Variants in C12orf42 observed in about 807,000 individuals in gnomAD.
The protein encoded by C12orf42 is uncharacterized protein C12orf42.
A neutral mutation model predicts 21.6 loss-of-function variants in C12orf42; 25 were observed. That is an observed-to-expected ratio of 1.16 (90% CI 0.84 to 1.62). C12orf42 has a LOEUF of 1.62. Ranked by LOEUF, C12orf42 falls within the 40% of genes most tolerant of loss-of-function variation. The probability of loss-of-function intolerance (pLI) is 0.00; values close to 1 mark genes in which losing one functional copy is unlikely to be tolerated. For missense variants in C12orf42, 483 were observed against 459.3 expected (o/e 1.05, Z -0.47); for synonymous variants, 174 against 175.0 (o/e 0.99, Z 0.05).
At chr12:103,271,132 C>A (rs1474420775) in intron 5 of C12orf42, among the ~76,000 whole-genome samples, 1 of 152,136 alleles carries the variant, frequency 6.6e-6, no homozygotes, top group East Asian at 1.9e-4. Context: ...TTGCAAGCCA[C>A]AGTGACCCCT....
chr12:103,065,963 A>G, the C12orf42 span, among the ~76,000 whole-genome samples: 2 of 152,154 alleles, frequency 1.3e-5, no homozygotes, highest in South Asian at 2.1e-4. Context: ...CTGCTCTGCC[A>G]CTTGGGACAT....
At chr12:103,056,311 T>A in the C12orf42 span, among the ~76,000 whole-genome samples, 19 of 152,316 alleles carry the variant, frequency 1.2e-4, no homozygotes, top group East Asian at 3.5e-3. Flanking sequence ...GGGTTTCTGA[T>A]GAGAAATGTG....
rs142598287 is a variant in C12orf42, at chr12:103,374,929, C to A, written c.148-5931G>T. Among the ~76,000 whole-genome samples the A allele has an allele frequency of 3.0e-3, 457 of 152,306 alleles. 3 individuals carry two copies. The highest frequency in any genetic ancestry group is 0.01 in the African/African-American group (418 of 41,570). ...GTCTTAGTTGGCATCAATCTCCAAA[C>A]AAACAGTTAAGCCAAAATATTCTAG... On this transcript the variant is annotated intron_variant, in intron 3 of 5. Coordinates refer to ENST00000548883, the MANE Select transcript of C12orf42 (RefSeq NM_198521.5).
chr12:103,421,921 A>G (rs2139137792), intron 2 of C12orf42, among the ~76,000 whole-genome samples: 2 of 152,206 alleles, frequency 1.3e-5, no homozygotes, highest in South Asian at 4.1e-4. Flanking sequence ...TCATGCTCCA[A>G]ATAATAATAA....
chr12:103,307,649 T>A (rs975967718), intron 4 of C12orf42, among the ~76,000 whole-genome samples: 5 of 152,260 alleles, frequency 3.3e-5, no homozygotes, highest in East Asian at 1.9e-4. Flanking sequence ...TCTGGCTTCT[T>A]AGCCAATTTG....
At chr12:103,186,594 A>T in the C12orf42 span, among the ~76,000 whole-genome samples, 1 of 152,126 alleles carries the variant, frequency 6.6e-6, no homozygotes, top group African/African-American at 2.4e-5. Context: ...ACTCTTGTTG[A>T]TTGTTTTTTT....
chr12:103,536,672 T>C, the C12orf42 span, among the ~76,000 whole-genome samples: 2 of 152,154 alleles, frequency 1.3e-5, no homozygotes, highest in African/African-American at 4.8e-5. Flanking sequence ...ATCCATAGCC[T>C]GATGACCACC....
chr12:103,456,811 C>T (rs1240129768), intron 2 of C12orf42, among the ~76,000 whole-genome samples: 1 of 152,106 alleles, frequency 6.6e-6, no homozygotes, highest in Admixed American at 6.6e-5. Context: ...GGAAATTCCC[C>T]ACCAATTCAA....
At chr12:103,199,506 C>G in the C12orf42 span, among the ~76,000 whole-genome samples, 1 of 152,070 alleles carries the variant, frequency 6.6e-6, no homozygotes, top group South Asian at 2.1e-4. Context: ...AGAATACAGT[C>G]AACAAAATGA....
chr12:103,368,633 T>C (rs1363746236), intron 4 of C12orf42, among the ~76,000 whole-genome samples: 1 of 152,066 alleles, frequency 6.6e-6, no homozygotes, highest in Admixed American at 6.6e-5. Context: ...CAAACCCAAC[T>C]TAGTGAAGAC....
chr12:103,189,661 C>G, the C12orf42 span, among the ~76,000 whole-genome samples: 1 of 152,120 alleles, frequency 6.6e-6, no homozygotes, highest in African/African-American at 2.4e-5. Flanking sequence ...AATGAACATC[C>G]AACTTCCTGA....
chr12:103,144,347 C>A, the C12orf42 span, among the ~76,000 whole-genome samples: 3 of 152,134 alleles, frequency 2.0e-5, no homozygotes, highest in African/African-American at 4.8e-5. Flanking sequence ...TGTAGGCAAC[C>A]TTGGCTGTGA....
chr12:103,224,506 G>A, the C12orf42 span, among the ~76,000 whole-genome samples: 1 of 152,188 alleles, frequency 6.6e-6, no homozygotes, highest in African/African-American at 2.4e-5. Context: ...ATGTCAGGTG[G>A]ATCAGAGAGA....
At chr12:103,047,685 C>G in the C12orf42 span, among the ~76,000 whole-genome samples, 1 of 152,192 alleles carries the variant, frequency 6.6e-6, no homozygotes, top group South Asian at 2.1e-4. Context: ...GGGCAGTTCT[C>G]CTGACCTAGG....
chr12:103,394,893 C>G lies in C12orf42; in HGVS notation c.147+6714G>C, dbSNP rs372570817. 1.1e-4 allele frequency among the ~76,000 whole-genome samples: 16 copies of G among 152,252 alleles called. No homozygotes were observed. In the East Asian group the frequency reaches 2.7e-3, roughly 26 times the overall value. ...AGATATGGTACAAAGGTGGGAGCTT[C>G]CAGAGAAAAGCAAGGTCATTCCAGG... On this transcript the variant is annotated intron_variant, in intron 3 of 5. Transcript: ENST00000548883.
chr12:103,181,339 C>G, the C12orf42 span, among the ~76,000 whole-genome samples: 8 of 151,626 alleles, frequency 5.3e-5, no homozygotes, highest in African/African-American at 1.4e-4. Context: ...AATTAGGAAG[C>G]AATATTCCAG....
chr12:103,492,685 T>G (rs150241188), intron 1 of C12orf42, among the ~76,000 whole-genome samples: 76 of 152,236 alleles, frequency 5.0e-4, no homozygotes, highest in African/African-American at 1.8e-3. Context: ...GCTCATCCCT[T>G]CATCCCATGC....
At chr12:103,188,123 T>G in the C12orf42 span, among the ~76,000 whole-genome samples, 1 of 152,172 alleles carries the variant, frequency 6.6e-6, no homozygotes, top group African/African-American at 2.4e-5. Flanking sequence ...GCAAGCAGTG[T>G]TTCTACTGTA....
chr12:103,175,398 A>G, the C12orf42 span, among the ~76,000 whole-genome samples: 3 of 152,214 alleles, frequency 2.0e-5, no homozygotes, highest in Non-Finnish European at 4.4e-5. Flanking sequence ...ATAAACCACA[A>G]TGAAAGGACA....
Sources: allele counts gnomAD v4.1 joint callset (sites outside exome capture counted in the v4.1 genomes callset), GRCh38; gene constraint gnomAD v4.1.1; transcripts MANE v1.5; gene names NCBI Gene and HGNC (gene_info 2026-07-23, HGNC 2026-07-21).